GDAP1: variants seen among roughly 807,000 people sequenced by gnomAD.
GDAP1 encodes the protein ganglioside-induced differentiation-associated protein 1.
GDAP1 carries 34 observed loss-of-function variants against 40.1 expected under a neutral mutation model. That is an observed-to-expected ratio of 0.85 (90% CI 0.64 to 1.13). The LOEUF (loss-of-function observed/expected upper bound fraction) is 1.13. GDAP1 is among the 50% of genes most tolerant of loss of function. The pLI, the probability that GDAP1 is intolerant of heterozygous loss-of-function variation, is 0.00. For missense variants in GDAP1, 374 were observed against 433.7 expected, an observed-to-expected ratio of 0.86 and a Z score of 1.22; for synonymous variants, 170 against 157.4, an observed-to-expected ratio of 1.08 and a Z score of -0.60.
chr8:74,352,340 C>G (rs1003904533), intron 2 of GDAP1, among the ~76,000 whole-genome samples: 7 of 152,208 alleles, frequency 4.6e-5, no homozygotes, highest in African/African-American at 1.7e-4. Context: ...CTCAGAGCTT[C>G]CAGCTGAATG....
At chr8:74,351,535 TTCTCTCTCTCCTC>T in intron 2 of GDAP1, 69 bp downstream of exon 2, 1 of 1,118,884 alleles carries the variant, frequency 8.9e-7, no homozygotes, top group South Asian at 1.2e-5. Flanking sequence ...CTTTCTCTTT[TTCTCTCTCTCCTC>T]TCTCTCTTTC....
intron 2 of GDAP1, among the ~76,000 whole-genome samples, chr8:74,442,458 A>G (rs569383057): frequency 5.9e-5 from 9 of 152,304 alleles, no homozygotes; most frequent in African/African-American, 2.2e-4. Flanking sequence ...TTGCCACTCC[A>G]TTCCTGAGGC....
intron 2 of GDAP1, among the ~76,000 whole-genome samples, chr8:74,470,843 TGGTTGAACTA>T (rs1447336204): frequency 6.6e-6 from 1 of 152,198 alleles, no homozygotes; most frequent in East Asian, 1.9e-4. Flanking sequence ...ACTTCCACAA[TGGTTGAACTA>T]GTTTACAGTC....
chr8:74,396,592 G>T (rs1379749542), intron 2 of GDAP1, among the ~76,000 whole-genome samples: 1 of 151,628 alleles, frequency 6.6e-6, no homozygotes, highest in Non-Finnish European at 1.5e-5. Flanking sequence ...ACCTATGAGT[G>T]AGAACATGTG....
chr8:74,420,263 C>A (rs1361681005), intron 2 of GDAP1, among the ~76,000 whole-genome samples: 1 of 152,140 alleles, frequency 6.6e-6, no homozygotes, highest in East Asian at 1.9e-4. Context: ...TGGAAGTGGT[C>A]AGTCTTTTAT....
intron 2 of GDAP1, among the ~76,000 whole-genome samples, chr8:74,432,014 G>A (rs1237940902): frequency 6.6e-6 from 1 of 152,068 alleles, no homozygotes; most frequent in East Asian, 1.9e-4. Flanking sequence ...TTTGTCACAC[G>A]GTAAGCAACA....
intron 2 of GDAP1, among the ~76,000 whole-genome samples, chr8:74,393,108 G>T (rs934979601): frequency 2.6e-5 from 4 of 152,084 alleles, no homozygotes; most frequent in African/African-American, 9.7e-5. Flanking sequence ...ATCAGTGTCT[G>T]GAAATTGCAT....
intron 2 of GDAP1, among the ~76,000 whole-genome samples, chr8:74,480,887 G>A (rs1265530057): frequency 2.0e-5 from 3 of 152,174 alleles, no homozygotes; most frequent in Non-Finnish European, 4.4e-5. Flanking sequence ...TTCAGGTAAT[G>A]GAATTCATCT....
At chr8:74,464,671 C>T (rs1397329674) in intron 2 of GDAP1, among the ~76,000 whole-genome samples, 1 of 152,136 alleles carries the variant, frequency 6.6e-6, no homozygotes, top group Non-Finnish European at 1.5e-5. Context: ...TGGCAGGATG[C>T]CTTTGAGTTG....
chr8:74,429,462 T>TAAGC, intron 2 of GDAP1, among the ~76,000 whole-genome samples: 1 of 152,328 alleles, frequency 6.6e-6, no homozygotes, highest in African/African-American at 2.4e-5. Context: ...CAGGGAAGGT[T>TAAGC]AAACAGCAGA....
chr8:74,439,943 ATTAT>A (rs1166340908), intron 2 of GDAP1, among the ~76,000 whole-genome samples: 1 of 152,006 alleles, frequency 6.6e-6, no homozygotes, highest in Non-Finnish European at 1.5e-5. Flanking sequence ...TGTAAGTGAC[ATTAT>A]TTATTTTTGT....
rs113139947 is a variant in GDAP1 at position 74,403,069 on chromosome 8, C to T, written c.165+51748C>T. ...TGGACATTTTCATTACAAACACATA[C>T]ACGATAATAGTGCCCAAACAATCTG... On this transcript the variant is annotated intron_variant, in intron 2 of 2. Coordinates refer to the GDAP1 transcript ENST00000523640. 4.6e-3 allele frequency among the ~76,000 whole-genome samples: 694 copies of T among 150,146 alleles called. 67 individuals carry two copies. The highest frequency in any genetic ancestry group is 0.015 in the African/African-American group (597 of 39,500).
intron 2 of GDAP1, among the ~76,000 whole-genome samples, chr8:74,443,028 C>T (rs1232013078): frequency 1.3e-5 from 2 of 152,162 alleles, no homozygotes; most frequent in African/African-American, 2.4e-5. Context: ...GGATTAGAAA[C>T]TAGTTGGGCA....
intron 2 of GDAP1, among the ~76,000 whole-genome samples, chr8:74,482,942 T>C (rs1007726370): frequency 1.3e-5 from 2 of 152,196 alleles, no homozygotes; most frequent in Non-Finnish European, 2.9e-5. Context: ...AGACATGGGC[T>C]CTGGAGTCAG....
chr8:74,429,866 A>G (rs898165856), intron 2 of GDAP1, among the ~76,000 whole-genome samples: 4 of 152,116 alleles, frequency 2.6e-5, no homozygotes, highest in African/African-American at 9.6e-5. Flanking sequence ...ATTTAGAAAA[A>G]ATATAACTTT....
intron 2 of GDAP1, among the ~76,000 whole-genome samples, chr8:74,480,583 G>A (rs1806698244): frequency 2.0e-5 from 3 of 152,298 alleles, no homozygotes; most frequent in South Asian, 4.2e-4. Flanking sequence ...TATTGTCATT[G>A]TCAGTCATAA....
chr8:74,418,881 G>C (rs1805820916), intron 2 of GDAP1, among the ~76,000 whole-genome samples: 1 of 151,980 alleles, frequency 6.6e-6, no homozygotes, highest in South Asian at 2.1e-4. Flanking sequence ...GACTTTAACA[G>C]ACATTTCATC....
chr8:74,449,990 T>TA (rs1806277082), intron 2 of GDAP1, among the ~76,000 whole-genome samples: 1 of 151,646 alleles, frequency 6.6e-6, no homozygotes, highest in Non-Finnish European at 1.5e-5. Flanking sequence ...GATGTAGAAA[T>TA]AAAAAATGAT....
intron 2 of GDAP1, among the ~76,000 whole-genome samples, chr8:74,389,133 A>G (rs528231259): frequency 1.3e-5 from 2 of 152,160 alleles, no homozygotes; most frequent in African/African-American, 2.4e-5. Flanking sequence ...CTCTTTATCT[A>G]ATGTGCCAGT....
Sources: allele counts gnomAD v4.1 joint callset (sites outside exome capture counted in the v4.1 genomes callset), GRCh38; gene constraint gnomAD v4.1.1; transcripts MANE v1.5; gene names NCBI Gene and HGNC (gene_info 2026-07-23, HGNC 2026-07-21).